INSL6: variants seen among roughly 807,000 people sequenced by gnomAD.
INSL6 encodes insulin-like peptide INSL6.
Under a neutral mutation model 9.4 loss-of-function variants are expected in INSL6, and 16 were observed. That is an observed-to-expected ratio of 1.70 (90% CI 1.15 to 2.59). The LOEUF is 2.59. INSL6 is among the 30% of genes most tolerant of loss of function. INSL6 has a pLI of 0.00. For synonymous variants in INSL6, 154 were observed against 96.9 expected (o/e 1.59, Z -3.46); for missense variants, 391 against 257.3 (o/e 1.52, Z -3.56).
At chr9:5,037,589 C>T in the INSL6 span, among the ~76,000 whole-genome samples, 1 of 152,138 alleles carries the variant, frequency 6.6e-6, no homozygotes, top group Non-Finnish European at 1.5e-5. Context: ...CCATCATTCT[C>T]AGCAAACTAT....
At chr9:5,085,969 T>C in the INSL6 span, 2 of 1,092,850 alleles carry the variant, frequency 1.8e-6, no homozygotes, top group Non-Finnish European at 1.4e-6. Flanking sequence ...TTCTCACCAC[T>C]GTGTGTTTTG....
the INSL6 span, among the ~76,000 whole-genome samples, chr9:5,037,018 AAAC>A: frequency 2.6e-5 from 4 of 152,240 alleles, no homozygotes; most frequent in African/African-American, 4.8e-5. Context: ...ATTTACAAGA[AAAC>A]AACAACCCCA....
the INSL6 span, among the ~76,000 whole-genome samples, chr9:5,046,275 G>A: frequency 6.6e-6 from 1 of 152,016 alleles, no homozygotes; most frequent in African/African-American, 2.4e-5. Flanking sequence ...TTTGTTTGTT[G>A]TTATATTATA....
At chr9:5,177,478 G>A (rs918362211) in intron 1 of INSL6, among the ~76,000 whole-genome samples, 5 of 152,214 alleles carry the variant, frequency 3.3e-5, no homozygotes, top group Non-Finnish European at 5.9e-5. Flanking sequence ...GAGCTGTGTG[G>A]AGTCTCAGCA....
At chr9:5,120,806 G>T (rs538566432), downstream of INSL6, among the ~76,000 whole-genome samples, 4 of 152,128 alleles carry the variant, frequency 2.6e-5, no homozygotes, top group African/African-American at 9.7e-5. Flanking sequence ...TGAAAGATGC[G>T]TCAAAAATAA....
At chr9:4,994,823 C>T in the INSL6 span, among the ~76,000 whole-genome samples, 22,141 of 152,168 alleles carry the variant, frequency 0.15, 4,032 homozygotes, top group African/African-American at 0.43. Flanking sequence ...ACAAAACTCT[C>T]TGAGAGTTGT....
chr9:5,069,264 G>A, the INSL6 span: 1,978 of 1,182,900 alleles, frequency 1.7e-3, 17 homozygotes, highest in African/African-American at 0.025. Flanking sequence ...TTTATGTGGC[G>A]TGAAGTATCT....
At chr9:5,025,153 T>C in the INSL6 span, among the ~76,000 whole-genome samples, 2 of 152,182 alleles carry the variant, frequency 1.3e-5, no homozygotes, top group Non-Finnish European at 2.9e-5. Flanking sequence ...TTTTTTCCTG[T>C]TTCTGGGAGA....
chr9:5,041,010 G>A, the INSL6 span: 3 of 657,684 alleles, frequency 4.6e-6, no homozygotes, highest in South Asian at 3.0e-5. Context: ...TCCGGACCCC[G>A]CAGCTGCACC....
At chr9:5,138,611 A>G (rs979623745) in intron 2 of INSL6, among the ~76,000 whole-genome samples, 13 of 152,166 alleles carry the variant, frequency 8.5e-5, no homozygotes, top group African/African-American at 3.1e-4. Context: ...CTATTGCATT[A>G]GGAGAAATGC....
At chr9:5,161,328 C>G (rs1247706142), downstream of INSL6, among the ~76,000 whole-genome samples, 2 of 152,106 alleles carry the variant, frequency 1.3e-5, no homozygotes, top group Non-Finnish European at 2.9e-5. Context: ...AGGACAAAAA[C>G]CATATGACCA....
chr9:5,113,988 GA>G, the INSL6 span: 2 of 269,426 alleles, frequency 7.4e-6, no homozygotes, highest in Non-Finnish European at 1.5e-5. Context: ...CACCTGGCTG[GA>G]GGATGGGCAG....
chr9:5,122,711 TAA>T (rs1339402282), downstream of INSL6, among the ~76,000 whole-genome samples: 1 of 151,952 alleles, frequency 6.6e-6, no homozygotes, highest in Non-Finnish European at 1.5e-5. Flanking sequence ...TGGCACATAC[TAA>T]AGTTACATAC....
chr9:5,161,938 G>A (rs916410416), downstream of INSL6, among the ~76,000 whole-genome samples: 16 of 152,062 alleles, frequency 1.1e-4, no homozygotes, highest in African/African-American at 3.6e-4. Context: ...TAAAAAATTA[G>A]CCAGGTGGTA....
downstream of INSL6, among the ~76,000 whole-genome samples, chr9:5,120,260 T>A (rs1462131734): frequency 1.3e-5 from 2 of 152,220 alleles, no homozygotes; most frequent in African/African-American, 4.8e-5. Flanking sequence ...TTAATCCTAT[T>A]CATGAGGGAG....
chr9:5,022,906 A>G, the INSL6 span, among the ~76,000 whole-genome samples: 1 of 152,242 alleles, frequency 6.6e-6, no homozygotes, highest in Non-Finnish European at 1.5e-5. Context: ...AGGCAAATTA[A>G]ATGTCTAATA....
At chr9:5,067,918 C>G in the INSL6 span, among the ~76,000 whole-genome samples, 1 of 151,962 alleles carries the variant, frequency 6.6e-6, no homozygotes, top group Non-Finnish European at 1.5e-5. Context: ...CTTTAGGAGG[C>G]CAAGGCGGGT....
At chr9:5,068,373 T>G in the INSL6 span, among the ~76,000 whole-genome samples, 3 of 152,206 alleles carry the variant, frequency 2.0e-5, no homozygotes, top group African/African-American at 7.2e-5. Flanking sequence ...AATGTAATAT[T>G]AAAGATAATT....
the INSL6 span, among the ~76,000 whole-genome samples, chr9:4,999,467 A>C: frequency 1.3e-5 from 2 of 152,242 alleles, no homozygotes; most frequent in African/African-American, 4.8e-5. Context: ...AAAAGATTAC[A>C]AATGCTTATT....
Sources: gnomAD v4.1 joint callset for allele counts (sites outside exome capture counted in the v4.1 genomes callset) on GRCh38, gnomAD v4.1.1 for gene constraint, MANE v1.5 for transcripts, NCBI Gene and HGNC (gene_info 2026-07-23, HGNC 2026-07-21) for gene names.